The following IPO7 variants were observed in gnomAD, a reference collection of about 807,000 sequenced individuals.
IPO7 encodes the protein importin-7.
In IPO7, 13 loss-of-function variants were observed where a neutral mutation model predicts 136.4. The ratio of observed to expected loss-of-function variants is 0.10; its 90% CI spans 0.06 to 0.15. IPO7 has a LOEUF of 0.15. Ranked by LOEUF, IPO7 falls within the 10% of genes least tolerant of loss-of-function variation. The pLI, the probability that IPO7 is intolerant of heterozygous loss-of-function variation, is 1.00. For synonymous variants in IPO7, 403 were observed against 404.4 expected, an observed-to-expected ratio of 1.00 and a Z score of 0.04; for missense variants, 857 against 1,240.6, an observed-to-expected ratio of 0.69 and a Z score of 4.65.
chr11:9,400,687 G>C (rs565011494), intron 1 of IPO7, among the ~76,000 whole-genome samples: 2 of 152,062 alleles, frequency 1.3e-5, no homozygotes, highest in South Asian at 4.2e-4. Context: ...CTCCTAAAGT[G>C]CTGGGATTAC....
At chr11:9,404,721 A>G (rs1404077858) in intron 2 of IPO7, among the ~76,000 whole-genome samples, 1 of 151,492 alleles carries the variant, frequency 6.6e-6, no homozygotes. Flanking sequence ...GCCCGCCACC[A>G]CACCCGGCTA....
chr11:9,412,889 ATTTTTTTTT>A (rs1163764184), intron 4 of IPO7, among the ~76,000 whole-genome samples: 3 of 126,354 alleles, frequency 2.4e-5, no homozygotes, highest in African/African-American at 9.0e-5. Context: ...TGATTGATTG[ATTTTTTTTT>A]TTTTTTTTTT....
At chr11:9,389,792 C>T (rs1397620946) in intron 1 of IPO7, among the ~76,000 whole-genome samples, 1 of 149,802 alleles carries the variant, frequency 6.7e-6, no homozygotes, top group Non-Finnish European at 1.5e-5. Context: ...TGGAGTTTCG[C>T]TCTTTTTGCC....
chr11:9,438,056 T>TTTG, intron 21 of IPO7, 24 bp from the exon 22 acceptor site: 2 of 489,430 alleles, frequency 4.1e-6, no homozygotes, highest in Non-Finnish European at 5.7e-6. Context: ...TTTTTTTTTT[T>TTTG]TTTTTTTTTT....
chr11:9,426,553 C>T (rs1565000615), intron 12 of IPO7, among the ~76,000 whole-genome samples: 1 of 152,082 alleles, frequency 6.6e-6, no homozygotes, highest in Non-Finnish European at 1.5e-5. Context: ...TAATTTGAGA[C>T]ACCGCAGAAC....
At chr11:9,400,918 C>A (rs10770030) in intron 1 of IPO7, among the ~76,000 whole-genome samples, 152,188 of 152,188 alleles carry the variant, frequency 1, 76,094 homozygotes, top group Non-Finnish European at 1. Flanking sequence ...CAGGTGGCTC[C>A]CCCCTGTAAT....
chr11:9,429,393 C>T (rs909402851), intron 14 of IPO7, among the ~76,000 whole-genome samples, 197 bp downstream of exon 14: 2 of 151,900 alleles, frequency 1.3e-5, no homozygotes, highest in African/African-American at 4.8e-5. Flanking sequence ...GTAGTGCCAG[C>T]TACTTGGGAG....
intron 2 of IPO7, among the ~76,000 whole-genome samples, chr11:9,406,642 T>TG (rs1854892115): frequency 6.6e-6 from 1 of 151,994 alleles, no homozygotes; most frequent in Non-Finnish European, 1.5e-5. Flanking sequence ...AGGCCGTAGA[T>TG]GGGGGATCAT....
chr11:9,438,366 C>A (rs1299635952), intron 22 of IPO7, 81 bp downstream of exon 22: 1 of 856,198 alleles, frequency 1.2e-6, no homozygotes, highest in Non-Finnish European at 1.9e-6. Flanking sequence ...GTGGCTCAGG[C>A]CTGTAATCCC....
At chr11:9,384,993 C>T (rs1438681072) in intron 1 of IPO7, 146 bp downstream of exon 1, 1 of 642,310 alleles carries the variant, frequency 1.6e-6, no homozygotes. Flanking sequence ...GCGACTTCCA[C>T]GCCGGGGCGC....
chr11:9,435,662 G>A (rs1276178858), intron 19 of IPO7, among the ~76,000 whole-genome samples: 2 of 152,048 alleles, frequency 1.3e-5, no homozygotes, highest in Non-Finnish European at 2.9e-5. Context: ...TATTCTGGGA[G>A]CAGAGATATA....
chr11:9,430,215 C>G (rs1855274440), intron 15 of IPO7: 1 of 161,176 alleles, frequency 6.2e-6, no homozygotes, highest in Admixed American at 6.3e-5. Flanking sequence ...GGACCCCTGC[C>G]TTATAGTAGA....
chr11:9,436,843 TATATATATATATATATATATATA>T (rs1855376965), intron 20 of IPO7, among the ~76,000 whole-genome samples: 3 of 8,076 alleles, frequency 3.7e-4, no homozygotes, highest in African/African-American at 8.0e-4. Context: ...CGCCTGATTT[TATATATATATATATATATATATA>T]TATTTTTTTT....
chr11:9,411,157 C>A (rs1485597806), intron 4 of IPO7, among the ~76,000 whole-genome samples: 2 of 152,136 alleles, frequency 1.3e-5, no homozygotes, highest in Non-Finnish European at 2.9e-5. Context: ...GTTCAAGGCC[C>A]TCCTGTCCCA....
chr11:9,413,766 ATTTTTC>A (rs1212961719), intron 4 of IPO7, among the ~76,000 whole-genome samples: 8 of 151,526 alleles, frequency 5.3e-5, no homozygotes, highest in Admixed American at 3.3e-4. Flanking sequence ...TGCTCTAGAT[ATTTTTC>A]TTTTTCTAAA....
At chr11:9,437,122 G>C (rs1340809887) in intron 20 of IPO7, among the ~76,000 whole-genome samples, 1 of 151,204 alleles carries the variant, frequency 6.6e-6, no homozygotes, top group African/African-American at 2.4e-5. Context: ...CTGACCTCAA[G>C]TGTTCTGCCC....
In IPO7 at chr11:9,445,253, G is replaced by T. The variant is rs2133770952; in HGVS notation, c.*59G>T. The T allele has an allele frequency of 1.9e-6, 2 of 1,069,376 alleles. No homozygotes were observed. The highest frequency in any genetic ancestry group is 2.9e-6 in the Non-Finnish European group (2 of 688,132). 66.2% of individuals were successfully genotyped at this position (1,069,376 alleles called of 1,614,324 possible). A position where few individuals can be genotyped will look rare whatever the true frequency, so the allele number is the denominator to read the frequency against. ...TGAAGAGCTTGTGTTCCTCCTAGTA[G>T]TGGTTCCAGAACTGGTTCATGTTAT... On this transcript the variant is annotated 3_prime_UTR_variant, in exon 25 of 25. Coordinates refer to ENST00000379719, the MANE Select transcript of IPO7 (RefSeq NM_006391.3).
Position 9,429,925 on chromosome 11 carries a change from A to G in IPO7, c.1752+91A>G, listed in dbSNP as rs1226919214. 8.9e-6 allele frequency: 8 copies of G among 897,724 alleles called. No homozygotes were observed. In the East Asian group the frequency reaches 2.2e-4, roughly 24 times the overall value. 55.6% of individuals were successfully genotyped at this position (897,724 alleles called of 1,614,324 possible). ...TGTCACCAGTGGCTTGCCTTACCTT[A>G]TAGCAGTCAACCTTTTTGGCACCTG... On this transcript the variant is annotated intron_variant, in intron 15 of 24. Coordinates refer to ENST00000379719, the MANE Select transcript of IPO7 (RefSeq NM_006391.3).
chr11:9,420,945 A>C (rs1855118133), intron 8 of IPO7, among the ~76,000 whole-genome samples: 1 of 152,206 alleles, frequency 6.6e-6, no homozygotes, highest in Admixed American at 6.5e-5. Context: ...GTTCATTAAA[A>C]TATAATAACA....
Sources: allele counts gnomAD v4.1 joint callset (sites outside exome capture counted in the v4.1 genomes callset), GRCh38; gene constraint gnomAD v4.1.1; transcripts MANE v1.5; gene names NCBI Gene and HGNC (gene_info 2026-07-23, HGNC 2026-07-21).